OR5T1: variants seen among roughly 807,000 people sequenced by gnomAD.
OR5T1 encodes the protein olfactory receptor 5T1.
Under a neutral mutation model 10.1 loss-of-function variants are expected in OR5T1, and 14 were observed. The observed-to-expected ratio is 1.39, with a 90% CI of 0.92 to 2.18. OR5T1 has a LOEUF of 2.18. OR5T1 is among the 30% of genes most tolerant of loss of function. The pLI, the probability that OR5T1 is intolerant of heterozygous loss-of-function variation, is 0.00. For missense variants in OR5T1, 461 were observed against 383.9 expected, an observed-to-expected ratio of 1.20 and a Z score of -1.68; for synonymous variants, 166 against 141.2, an observed-to-expected ratio of 1.18 and a Z score of -1.24.
chr11:56,276,751 A>G lies in OR5T1; in HGVS notation c.*132A>G. 3 of 651,454 alleles carry G rather than the reference A, an allele frequency of 4.6e-6. No homozygotes were observed. The highest frequency in any genetic ancestry group is 3.0e-5 in the Admixed American group (1 of 33,248). 40.4% of individuals were successfully genotyped at this position (651,454 alleles called of 1,614,324 possible). On this transcript the variant is annotated 3_prime_UTR_variant, in exon 3 of 3. Coordinates refer to ENST00000641665, the MANE Select transcript of OR5T1 (RefSeq NM_001004745.2). The stretch of plus-strand genomic sequence containing the variant: ...CTTCTAGAATATTTTCAAATAAAGC[A>G]TCAATCAGCCTACTAATTCACCATT...
At chr11:56,274,335 G>A (rs1278298122) in intron 1 of OR5T1, among the ~76,000 whole-genome samples, 163 bp downstream of exon 1, 1 of 152,178 alleles carries the variant, frequency 6.6e-6, no homozygotes, top group African/African-American at 2.4e-5. Flanking sequence ...GATCATAGGA[G>A]AGAATACGTG....
intron 1 of OR5T1, 141 bp from the exon 2 acceptor site, chr11:56,274,495 C>G (rs1040847591): frequency 1.3e-5 from 2 of 151,912 alleles, no homozygotes; most frequent in Non-Finnish European, 2.9e-5. Context: ...AAAATACACC[C>G]AAGGACTTCA....
chr11:56,275,867 G>C lies in OR5T1; in HGVS notation c.229G>C (p.Val77Leu), dbSNP rs771758916. ...LHSPMYYFLG[V>L]LSFLDVCYST... ...CAGCCCAATGTACTATTTTCTTGGT[G>C]TTTTATCATTCTTGGATGTCTGCTA... The change falls in exon 3 of 3, where the codon GTT (valine) becomes CTT (leucine). Residue 77 changes from valine to leucine, a missense_variant. Coordinates refer to ENST00000641665, the MANE Select transcript of OR5T1 (RefSeq NM_001004745.2). 1 of 1,614,114 alleles carries C rather than the reference G, an allele frequency of 6.2e-7. No individual in the cohort carries two copies. The highest frequency in any genetic ancestry group is 1.1e-5 in the South Asian group (1 of 91,074).
Position 56,276,084 on chromosome 11 carries a change from C to T in OR5T1, c.446C>T (p.Ser149Leu), listed in dbSNP as rs1429591461. The T allele has an allele frequency of 2.5e-6, 4 of 1,614,082 alleles. No individual in the cohort carries two copies. The highest frequency in any genetic ancestry group is 3.4e-6 in the Non-Finnish European group (4 of 1,180,046). Residue 149 changes from serine to leucine, a missense_variant, in exon 3 of 3, where the codon TCA becomes TTA. Coordinates refer to ENST00000641665, the MANE Select transcript of OR5T1 (RefSeq NM_001004745.2). ...CCTCTCCTGTATTCAGTGAGCATGTCACCCAGAGTCTATGTGCCACTCATC... is the reference window on the plus strand; with the variant it reads ...CCTCTCCTGTATTCAGTGAGCATGTTACCCAGAGTCTATGTGCCACTCATC... ...YNPLLYSVSM[S>L]PRVYVPLITA... is the part of the protein sequence containing the mutation.
Position 56,275,660 on chromosome 11 carries a change from A to G in OR5T1, c.22A>G (p.Met8Val). The G allele has an allele frequency of 1.3e-6, 2 of 1,586,134 alleles. No homozygotes were observed. The highest frequency in any genetic ancestry group is 1.7e-6 in the Non-Finnish European group (2 of 1,169,208). Residue 8 changes from methionine to valine, a missense_variant, in exon 3 of 3, where the codon ATG (methionine) becomes GTG (valine). Physicochemically the swap from Met to Val is conservative, Grantham distance 21. Transcript: ENST00000641665. ...TAAAATGTCAGGGTTGCCTTCAGATATGGATCTATACAAGCTTCAATTAAA... is the reference window on the plus strand; with the variant it reads ...TAAAATGTCAGGGTTGCCTTCAGATGTGGATCTATACAAGCTTCAATTAAA... MSGLPSD[M>V]DLYKLQLNNF...
At position 56,276,400 on chromosome 11, in the gene OR5T1, A is replaced by C. The variant is rs768116685; in HGVS notation, c.762A>C (p.Gly254=). Residue 254 remains glycine (G), a synonymous_variant, in exon 3 of 3, where the codon GGA becomes GGC. Coordinates refer to ENST00000641665, the MANE Select transcript of OR5T1 (RefSeq NM_001004745.2). ...GGAGAAAAGTCTTCTCTACATGTGG[A>C]GCTCACCTAACTGGAGTGACAATTT... The part of the protein sequence containing the change: ...EGRRKVFSTC[G]AHLTGVTIYH... 4.3e-6 allele frequency: 7 copies of C among 1,613,976 alleles called. No homozygotes were observed. In the African/African-American group the frequency reaches 6.7e-5, roughly 15 times the overall value.
Position 56,276,299 on chromosome 11 carries a change from G to T in OR5T1, c.661G>T (p.Val221Phe), listed in dbSNP as rs182413502. ...FFYFVGSIEI[V>F]TILIVLISYG... The stretch of plus-strand genomic sequence containing the variant: ...CTACTTTGTGGGCTCTATTGAGATA[G>T]TCACTATCCTGATTGTCCTGATCTC... Residue 221 changes from valine (V) to phenylalanine (F), a missense_variant, in exon 3 of 3, where the codon GTC (valine) becomes TTC (phenylalanine). Coordinates refer to ENST00000641665, the MANE Select transcript of OR5T1 (RefSeq NM_001004745.2). 61 of 1,614,018 alleles carry T rather than the reference G, an allele frequency of 3.8e-5. 1 individual carries two copies. In the Admixed American group the frequency reaches 9.8e-4, roughly 26 times the overall value.
intron 2 of OR5T1, 67 bp downstream of exon 2, chr11:56,274,820 G>A (rs1220065836): frequency 6.6e-6 from 1 of 151,126 alleles, no homozygotes; most frequent in Non-Finnish European, 1.5e-5. Context: ...GGTTTGGTCA[G>A]AAAGACTGTC....
At chr11:56,275,450 T>C (rs534176192) in intron 2 of OR5T1, 36 bp from the exon 3 acceptor site, 42 of 454,466 alleles carry the variant, frequency 9.2e-5, no homozygotes, top group Admixed American at 1.4e-4. Context: ...AGTGCATGAT[T>C]GAATAAAATA....
chr11:56,275,696 G>A lies in OR5T1; in HGVS notation c.58G>A (p.Glu20Lys), dbSNP rs191576850. The A allele has an allele frequency of 5.2e-5, 84 of 1,606,792 alleles. No individual in the cohort carries two copies. The East Asian group carries it at 1.4e-3, about 27-fold the overall frequency. Reference sequence around the variant, plus strand: ...CAAGCTTCAATTAAACAATTTTACTGAAGTCACCATGTTTATATTAATAAG... The same window carrying A: ...CAAGCTTCAATTAAACAATTTTACTAAAGTCACCATGTTTATATTAATAAG... ...LYKLQLNNFT[E>K]VTMFILISFT... Residue 20 changes from glutamate to lysine, a missense_variant, in exon 3 of 3, where the codon GAA (glutamate) becomes AAA (lysine). By Grantham distance (56) the Glu-to-Lys change is moderately conservative. Coordinates refer to ENST00000641665, the MANE Select transcript of OR5T1 (RefSeq NM_001004745.2).
chr11:56,276,078 G>A lies in OR5T1; in HGVS notation c.440G>A (p.Ser147Asn). ...TACAACCCTCTCCTGTATTCAGTGA[G>A]CATGTCACCCAGAGTCTATGTGCCA... ...AIYNPLLYSV[S>N]MSPRVYVPLI... The change falls in exon 3 of 3, where the codon AGC becomes AAC. Residue 147 changes from serine (S) to asparagine (N), a missense_variant. By Grantham distance (46) the Ser-to-Asn change is conservative. Coordinates refer to ENST00000641665, the MANE Select transcript of OR5T1 (RefSeq NM_001004745.2). The A allele has an allele frequency of 6.2e-7, 1 of 1,614,160 alleles. No individual in the cohort carries two copies. Among genetic ancestry groups the A allele is most frequent in the Non-Finnish European group, 8.5e-7 (1 of 1,180,032 alleles).
In OR5T1 at chr11:56,276,474, C is replaced by T. The variant is rs747727735; in HGVS notation, c.836C>T (p.Thr279Ile). 3 of 1,614,088 alleles carry T rather than the reference C, an allele frequency of 1.9e-6. No individual in the cohort carries two copies. Among genetic ancestry groups the T allele is most frequent in the Non-Finnish European group, 1.7e-6 (2 of 1,179,952 alleles). ...FMYVRPSSSY[T>I]SDNDMIVSIF... ...TATGTGAGACCAAGTTCCAGCTACA[C>T]TTCGGACAATGACATGATAGTGTCA... Residue 279 changes from threonine to isoleucine, a missense_variant, in exon 3 of 3, where the codon ACT (threonine) becomes ATT (isoleucine). Thr to Ile is a moderately conservative substitution (Grantham distance 89, BLOSUM62 -1). Coordinates refer to ENST00000641665, the MANE Select transcript of OR5T1 (RefSeq NM_001004745.2).
chr11:56,275,389 T>A (rs1853924190), intron 2 of OR5T1, 97 bp from the exon 3 acceptor site: 3 of 335,916 alleles, frequency 8.9e-6, no homozygotes, highest in Non-Finnish European at 5.3e-6. Flanking sequence ...CTTGAGATAG[T>A]TTGCTGAGAA....
chr11:56,274,210 A>G (rs1245440539), intron 1 of OR5T1, 38 bp downstream of exon 1: 3 of 152,214 alleles, frequency 2.0e-5, no homozygotes, highest in Non-Finnish European at 4.4e-5. Flanking sequence ...TAAAATATTA[A>G]GAAGCTCTCA....
chr11:56,275,634 C>T lies in OR5T1; in HGVS notation c.-5C>T, dbSNP rs1454935152. ...TGCATTTAGTACATATAAACAATAG[C>T]TAAAATGTCAGGGTTGCCTTCAGAT... On this transcript the variant is annotated 5_prime_UTR_variant, in exon 3 of 3. Coordinates refer to ENST00000641665, the MANE Select transcript of OR5T1 (RefSeq NM_001004745.2). The T allele has an allele frequency of 6.4e-7, 1 of 1,551,502 alleles. No individual in the cohort carries two copies. Among genetic ancestry groups the T allele is most frequent in the Non-Finnish European group, 8.7e-7 (1 of 1,153,974 alleles).
chr11:56,276,422 A>G lies in OR5T1; in HGVS notation c.784A>G (p.Ile262Val). The change falls in exon 3 of 3, where the codon ATT becomes GTT. Residue 262 changes from isoleucine (I) to valine (V), a missense_variant. Physicochemically the swap from Ile to Val is conservative, Grantham distance 29. Transcript: ENST00000641665. Reference sequence around the variant, plus strand: ...TGGAGCTCACCTAACTGGAGTGACAATTTATCATGGGACAATCCTCTTCAT... The same window carrying G: ...TGGAGCTCACCTAACTGGAGTGACAGTTTATCATGGGACAATCCTCTTCAT... ...TCGAHLTGVT[I>V]YHGTILFMYV... The G allele has an allele frequency of 6.2e-7, 1 of 1,614,058 alleles. No homozygotes were observed. Among genetic ancestry groups the G allele is most frequent in the East Asian group, 2.2e-5 (1 of 44,856 alleles).
rs751044781 is a variant in OR5T1 at position 56,276,190 on chromosome 11, T to C, written c.552T>C (p.Asn184=). ...TTAGCCTGTCCTTCTGTGGATCCAATGAAATTAGGCATGTCTTTTGTAATA... is the reference window on the plus strand; with the variant it reads ...TTAGCCTGTCCTTCTGTGGATCCAACGAAATTAGGCATGTCTTTTGTAATA... ...ATFSLSFCGS[N]EIRHVFCNMP... is the part of the protein sequence containing the mutation. Residue 184 remains asparagine (N), a synonymous_variant, in exon 3 of 3, where the codon AAT becomes AAC. Coordinates refer to ENST00000641665, the MANE Select transcript of OR5T1 (RefSeq NM_001004745.2). 6.2e-7 allele frequency: 1 copy of C among 1,614,166 alleles called. No homozygotes were observed.
In OR5T1 at chr11:56,276,067, G is replaced by T. The variant is rs1203477875; in HGVS notation, c.429G>T (p.Leu143=). Residue 143 remains leucine, a synonymous_variant, in exon 3 of 3, where the codon CTG becomes CTT. Transcript: ENST00000641665. ...DRYVAIYNPL[L]YSVSMSPRVY... The stretch of plus-strand genomic sequence containing the variant: ...ATGTAGCCATCTACAACCCTCTCCT[G>T]TATTCAGTGAGCATGTCACCCAGAG... 2 of 1,614,014 alleles carry T rather than the reference G, an allele frequency of 1.2e-6. No homozygotes were observed. Among genetic ancestry groups the T allele is most frequent in the Admixed American group, 1.7e-5 (1 of 59,994 alleles).
In OR5T1 at chr11:56,276,288, C is replaced by T; in HGVS notation, c.650C>T (p.Ser217Phe). 3 of 1,614,076 alleles carry T rather than the reference C, an allele frequency of 1.9e-6. No individual in the cohort carries two copies. The South Asian group carries it at 3.3e-5, about 18-fold the overall frequency. The change falls in exon 3 of 3, where the codon TCT (serine) becomes TTT (phenylalanine). Residue 217 changes from serine (S) to phenylalanine (F), a missense_variant. By Grantham distance (155) the Ser-to-Phe change is radical. Coordinates refer to ENST00000641665, the MANE Select transcript of OR5T1 (RefSeq NM_001004745.2). ...IQLLFFYFVG[S>F]IEIVTILIVL... ...CTTCTATTCTTCTACTTTGTGGGCTCTATTGAGATAGTCACTATCCTGATT... is the reference window on the plus strand; with the variant it reads ...CTTCTATTCTTCTACTTTGTGGGCTTTATTGAGATAGTCACTATCCTGATT...
Sources: gnomAD v4.1 joint callset for allele counts (sites outside exome capture counted in the v4.1 genomes callset) on GRCh38, gnomAD v4.1.1 for gene constraint, MANE v1.5 for transcripts, NCBI Gene and HGNC (gene_info 2026-07-23, HGNC 2026-07-21) for gene names.